The following IL1RAPL2 variants were observed in gnomAD, a reference collection of about 807,000 sequenced individuals.
IL1RAPL2 encodes interleukin 1 receptor accessory protein like 2, also known as X-linked interleukin-1 receptor accessory protein-like 2.
IL1RAPL2 carries 3 observed loss-of-function variants against 44.1 expected under a neutral mutation model. The observed-to-expected ratio is 0.07, with a 90% confidence interval of 0.03 to 0.18. IL1RAPL2 has a LOEUF of 0.18. Ranked by LOEUF, IL1RAPL2 falls within the 10% of genes least tolerant of loss-of-function variation. The pLI, the probability that IL1RAPL2 is intolerant of heterozygous loss-of-function variation, is 1.00. For missense variants in IL1RAPL2, 391 were observed against 496.4 expected, an observed-to-expected ratio of 0.79 and a Z score of 2.02; for synonymous variants, 181 against 178.8, an observed-to-expected ratio of 1.01 and a Z score of -0.10.
At chrX:105,140,825 G>A (rs1429724056) in intron 2 of IL1RAPL2, among the ~76,000 whole-genome samples, 1 of 112,049 alleles carries the variant, frequency 8.9e-6, no homozygotes, top group Non-Finnish European at 1.9e-5. Flanking sequence ...AGTATTAGGG[G>A]TATGAGAAAT....
chrX:105,192,817 A>T (rs2033643530), intron 2 of IL1RAPL2, among the ~76,000 whole-genome samples: 1 of 112,104 alleles, frequency 8.9e-6, no homozygotes, highest in Admixed American at 9.5e-5. Flanking sequence ...TTTCTCCATT[A>T]TTGTATTGCT....
chrX:104,802,344 C>CAAAAAAAAAAAAAAAAAAAAAAAAT (rs11324829), intron 2 of IL1RAPL2, among the ~76,000 whole-genome samples: 1 of 65,299 alleles, frequency 1.5e-5, no homozygotes, highest in Non-Finnish European at 2.9e-5. Flanking sequence ...GACTACATTT[C>CAAAAAAAAAAAAAAAAAAAAAAAAT]AAAAAAAAAA....
At chrX:105,095,219 G>A (rs1185577097) in intron 2 of IL1RAPL2, among the ~76,000 whole-genome samples, 3 of 111,273 alleles carry the variant, frequency 2.7e-5, no homozygotes, top group Non-Finnish European at 5.7e-5. Context: ...TAGAAGTGAG[G>A]AGAGTAAAAA....
intron 6 of IL1RAPL2, among the ~76,000 whole-genome samples, chrX:105,640,663 T>C (rs1319050519): frequency 5.5e-5 from 4 of 73,000 alleles, no homozygotes; most frequent in African/African-American, 3.8e-4. Flanking sequence ...TGTATATATA[T>C]ATATATATAT....
chrX:105,751,319 T>C (rs966652144), intron 9 of IL1RAPL2, among the ~76,000 whole-genome samples: 4 of 110,420 alleles, frequency 3.6e-5, no homozygotes, highest in East Asian at 2.9e-4. Flanking sequence ...AAAGGGAGGC[T>C]TCTGTGATTA....
At chrX:104,688,416 GTTTA>G (rs1370980671) in intron 2 of IL1RAPL2, among the ~76,000 whole-genome samples, 1 of 110,942 alleles carries the variant, frequency 9.0e-6, no homozygotes, top group African/African-American at 3.3e-5. Flanking sequence ...TTATCACAAT[GTTTA>G]TTTGTTTAAT....
chrX:105,328,548 A>G (rs758678619), intron 5 of IL1RAPL2, among the ~76,000 whole-genome samples: 2 of 111,554 alleles, frequency 1.8e-5, no homozygotes, highest in East Asian at 5.6e-4. Context: ...CATACCTTCT[A>G]TGCCTTCTTG....
intron 2 of IL1RAPL2, among the ~76,000 whole-genome samples, chrX:104,871,659 G>C (rs1303042016): frequency 9.0e-6 from 1 of 111,023 alleles, no homozygotes; most frequent in African/African-American, 3.3e-5. Context: ...AAGAGGGACA[G>C]GAAGATCTTG....
intron 2 of IL1RAPL2, among the ~76,000 whole-genome samples, chrX:104,965,950 A>G (rs773787179): frequency 1.2e-4 from 13 of 108,355 alleles, no homozygotes; most frequent in African/African-American, 4.3e-4. Flanking sequence ...AGAGTTTCAA[A>G]TGTAAAGAAA....
chrX:104,950,567 A>T (rs971130751), intron 2 of IL1RAPL2, among the ~76,000 whole-genome samples: 5 of 112,340 alleles, frequency 4.5e-5, no homozygotes, highest in African/African-American at 1.6e-4. Flanking sequence ...CCCCTCCCCC[A>T]GCCTGGCTGC....
intron 1 of IL1RAPL2, among the ~76,000 whole-genome samples, chrX:104,576,241 T>A (rs1206393312): frequency 3.6e-5 from 4 of 111,347 alleles, no homozygotes; most frequent in African/African-American, 1.3e-4. Context: ...TGTTCTGGGG[T>A]GAGAACCCAG....
At chrX:104,577,104 C>T (rs769425374) in intron 1 of IL1RAPL2, among the ~76,000 whole-genome samples, 17 of 111,880 alleles carry the variant, frequency 1.5e-4, no homozygotes, top group African/African-American at 5.5e-4. Flanking sequence ...TGCCTCCTCC[C>T]CTTCCGTTCC....
chrX:105,218,268 G>A (rs782451708), intron 3 of IL1RAPL2, among the ~76,000 whole-genome samples: 1 of 111,059 alleles, frequency 9.0e-6, no homozygotes, highest in East Asian at 2.9e-4. Flanking sequence ...CTGCTCCCTG[G>A]AACCACGTAC....
chrX:105,310,905 G>C (rs1569422042), intron 5 of IL1RAPL2, among the ~76,000 whole-genome samples: 1 of 111,402 alleles, frequency 9.0e-6, no homozygotes, highest in African/African-American at 3.3e-5. Context: ...TGCAGAAAAA[G>C]GAATGTAAAA....
intron 4 of IL1RAPL2, among the ~76,000 whole-genome samples, chrX:105,243,553 A>ATATATATATATG (rs1410340656): frequency 3.3e-5 from 3 of 89,559 alleles, no homozygotes; most frequent in African/African-American, 1.9e-4. Context: ...GTGTGTATAT[A>ATATATATATATG]TATATATATG....
chrX:105,332,008 AGC>A (rs1262643642), intron 5 of IL1RAPL2, among the ~76,000 whole-genome samples: 1 of 109,873 alleles, frequency 9.1e-6, no homozygotes, highest in Non-Finnish European at 1.9e-5. Flanking sequence ...CAGAAGAACC[AGC>A]ACAAGTGACA....
At chrX:104,705,820 A>G (rs1931355943) in intron 2 of IL1RAPL2, among the ~76,000 whole-genome samples, 1 of 111,670 alleles carries the variant, frequency 9.0e-6, no homozygotes, top group African/African-American at 3.3e-5. Context: ...GCCTAAGGCC[A>G]GAATAAAGGC....
chrX:104,989,259 T>C (rs771624411), intron 2 of IL1RAPL2, among the ~76,000 whole-genome samples: 13 of 111,543 alleles, frequency 1.2e-4, no homozygotes, highest in African/African-American at 4.2e-4. Context: ...AATATCATTA[T>C]GCTTTTCCCT....
rs1415387341 is a variant in IL1RAPL2 at position 105,385,800 on chromosome X, T to C, written c.698-98513T>C. ...GAGGAACTATTAAGTAAGTGAAATATGGGACTGAACTCAAATTTGAAGACA... is the reference window on the plus strand; with the variant it reads ...GAGGAACTATTAAGTAAGTGAAATACGGGACTGAACTCAAATTTGAAGACA... On this transcript the variant is annotated intron_variant, in intron 5 of 10. Transcript: ENST00000372582. 2.7e-5 allele frequency among the ~76,000 whole-genome samples: 3 copies of C among 111,120 alleles called. No homozygotes were observed. In the East Asian group the frequency reaches 8.6e-4, roughly 32 times the overall value.
Sources: gnomAD v4.1 joint callset for allele counts (sites outside exome capture counted in the v4.1 genomes callset) on GRCh38, gnomAD v4.1.1 for gene constraint, MANE v1.5 for transcripts, NCBI Gene and HGNC (gene_info 2026-07-23, HGNC 2026-07-21) for gene names.